The following MTREX variants were observed in gnomAD, a reference collection of about 807,000 sequenced individuals.
The protein encoded by MTREX is exosome RNA helicase MTR4.
A neutral mutation model predicts 135.4 loss-of-function variants in MTREX; 76 were observed. The ratio of observed to expected loss-of-function variants is 0.56; its 90% CI spans 0.47 to 0.68. The LOEUF is 0.68. Ranked by LOEUF, MTREX falls within the 30% of genes least tolerant of loss-of-function variation. The pLI is 0.00. For synonymous variants in MTREX, 404 were observed against 401.6 expected, an observed-to-expected ratio of 1.01 and a Z score of -0.07; for missense variants, 920 against 1,262.1, an observed-to-expected ratio of 0.73 and a Z score of 4.11.
chr5:55,363,852 T>C (rs1750053559), intron 15 of MTREX, among the ~76,000 whole-genome samples: 1 of 152,214 alleles, frequency 6.6e-6, no homozygotes, highest in Admixed American at 6.5e-5. Flanking sequence ...ATTGAAGATT[T>C]AGTATTTATT....
At chr5:55,352,268 A>T (rs950555734) in intron 13 of MTREX, among the ~76,000 whole-genome samples, 3 of 152,208 alleles carry the variant, frequency 2.0e-5, no homozygotes, top group Non-Finnish European at 2.9e-5. Context: ...AATATTTAAG[A>T]TAAATTTACT....
chr5:55,378,336 G>A lies in MTREX; in HGVS notation c.1833G>A (p.Gln611=), dbSNP rs1179921424. ...VVEKVKNSEE[Q]YNKIVIPNEE... ...CAGAGGTAAAGAATTCAGAAGAACA[G>A]TATAATAAAATAGTAATTCCCAATG... Residue 611 remains glutamine, a synonymous_variant, in exon 17 of 27, where the codon CAG becomes CAA. Transcript: ENST00000230640. The A allele has an allele frequency of 6.2e-7, 1 of 1,604,562 alleles. No individual in the cohort carries two copies. Among genetic ancestry groups the A allele is most frequent in the Non-Finnish European group, 8.5e-7 (1 of 1,177,270 alleles).
chr5:55,349,633 A>G lies in MTREX; in HGVS notation c.1301A>G (p.Glu434Gly). The G allele has an allele frequency of 6.3e-7, 1 of 1,597,834 alleles. No individual in the cohort carries two copies. The highest frequency in any genetic ancestry group is 1.7e-5 in the Admixed American group (1 of 59,902). Reference sequence around the variant, plus strand: ...AATGCAATTGATTGCTTATCCGATGAAGATAAAAAACTCCCTCAGGTGAGT... The same window carrying G: ...AATGCAATTGATTGCTTATCCGATGGAGATAAAAAACTCCCTCAGGTGAGT... ...FSNAIDCLSDEDKKLPQVEHV... is the reference protein window; with the variant it reads ...FSNAIDCLSDGDKKLPQVEHV... Residue 434 changes from glutamate (E) to glycine (G), a missense_variant, in exon 12 of 27, where the codon GAA becomes GGA. By Grantham distance (98) the Glu-to-Gly change is moderately conservative (BLOSUM62 -2). Around this residue, in one of 6 missense-constraint regions of MTREX, gnomAD observed 101 missense variants for 119.1 expected, o/e 0.85. Coordinates refer to ENST00000230640, the MANE Select transcript of MTREX (RefSeq NM_015360.5).
At chr5:55,397,050 T>C (rs1035536919) in intron 19 of MTREX, among the ~76,000 whole-genome samples, 1 of 152,194 alleles carries the variant, frequency 6.6e-6, no homozygotes, top group Non-Finnish European at 1.5e-5. Context: ...TTCCTAAACC[T>C]GTTAACAAGA....
intron 4 of MTREX, among the ~76,000 whole-genome samples, chr5:55,328,253 A>G (rs994098158): frequency 6.6e-6 from 1 of 152,168 alleles, no homozygotes; most frequent in African/African-American, 2.4e-5. Flanking sequence ...CTTAAAGTCT[A>G]ATAGATGTAA....
At chr5:55,414,098 CTTTAA>C (rs1421605007) in intron 23 of MTREX, 79 bp from the exon 24 acceptor site, 7 of 940,964 alleles carry the variant, frequency 7.4e-6, no homozygotes, top group Non-Finnish European at 9.5e-6. Context: ...ATCTTACAAG[CTTTAA>C]TTTGTTAAAA....
intron 4 of MTREX, among the ~76,000 whole-genome samples, chr5:55,328,056 T>C (rs371953731): frequency 6.6e-6 from 1 of 152,170 alleles, no homozygotes; most frequent in African/African-American, 2.4e-5. Flanking sequence ...AAAAAATACA[T>C]GTGTACTAGT....
chr5:55,420,271 AT>A (rs1169059962), intron 25 of MTREX, among the ~76,000 whole-genome samples: 1 of 152,206 alleles, frequency 6.6e-6, no homozygotes, highest in Non-Finnish European at 1.5e-5. Context: ...GCTTTAGGGT[AT>A]GCCAGAAAGC....
chr5:55,419,586 G>A (rs1751022673), intron 25 of MTREX, among the ~76,000 whole-genome samples: 1 of 152,064 alleles, frequency 6.6e-6, no homozygotes, highest in Non-Finnish European at 1.5e-5. Flanking sequence ...TATTTGTATG[G>A]GCTGATGCCT....
In MTREX at chr5:55,344,525, T is replaced by C. The variant is rs1749699903; in HGVS notation, c.910T>C (p.Cys304Arg). ...EWICHLHKQP[C>R]HVIYTDYRPT... ...GTTTAATTCTTTCTTTTTACAGCCT[T>C]GTCATGTTATTTACACAGATTATCG... Residue 304 changes from cysteine to arginine, a missense_variant, in exon 9 of 27, where the codon TGT (cysteine) becomes CGT (arginine). Transcript: ENST00000230640. 1 of 1,601,770 alleles carries C rather than the reference T, an allele frequency of 6.2e-7. No homozygotes were observed. The highest frequency in any genetic ancestry group is 1.3e-5 in the African/African-American group (1 of 74,642).
In MTREX at chr5:55,331,650, C is replaced by G. The variant is rs79463871; in HGVS notation, c.515+2839C>G. 3.3e-3 allele frequency among the ~76,000 whole-genome samples: 503 copies of G among 152,288 alleles called. 18 individuals carry two copies. In the East Asian group the frequency reaches 0.086, roughly 26 times the overall value. The stretch of plus-strand genomic sequence containing the variant: ...GCAGATGCTCAGCAGATTTTCAGAA[C>G]CTTCTCTTTGCAGTTGTCTCCTCTG... On this transcript the variant is annotated intron_variant, in intron 5 of 26. Transcript: ENST00000230640.
chr5:55,363,951 C>G (rs546904916), intron 15 of MTREX, among the ~76,000 whole-genome samples: 1 of 152,048 alleles, frequency 6.6e-6, no homozygotes, highest in African/African-American at 2.4e-5. Flanking sequence ...GCATAGAAAG[C>G]GAACAGGAAG....
At chr5:55,411,651 A>G (rs904293577) in intron 23 of MTREX, among the ~76,000 whole-genome samples, 3 of 152,178 alleles carry the variant, frequency 2.0e-5, no homozygotes, top group Non-Finnish European at 4.4e-5. Flanking sequence ...TGTTAGTGGC[A>G]ATGATAACAA....
rs1750186402 is a variant in MTREX, at chr5:55,371,004, G to A, written c.1810+4129G>A. Among the ~76,000 whole-genome samples the A allele has an allele frequency of 2.0e-5, 3 of 152,144 alleles. No individual in the cohort carries two copies. The South Asian group carries it at 6.2e-4, about 31-fold the overall frequency. ...TCTAATCAACAGTACATTTTTCAGT[G>A]AGCCATAAGAGTAGAGGTCCTTGGA... On this transcript the variant is annotated intron_variant, in intron 16 of 26. Coordinates refer to ENST00000230640, the MANE Select transcript of MTREX (RefSeq NM_015360.5).
At chr5:55,332,451 C>T (rs1325052253) in intron 5 of MTREX, among the ~76,000 whole-genome samples, 1 of 152,172 alleles carries the variant, frequency 6.6e-6, no homozygotes, top group African/African-American at 2.4e-5. Context: ...AGCCATTTTA[C>T]CTTGGCATGG....
At chr5:55,316,265 A>C (rs967467488) in intron 1 of MTREX, among the ~76,000 whole-genome samples, 2 of 151,832 alleles carry the variant, frequency 1.3e-5, no homozygotes, top group Non-Finnish European at 2.9e-5. Flanking sequence ...AGGAGGAAAG[A>C]CTCCTCCCCA....
Position 55,349,697 on chromosome 5 carries a change from T to C in MTREX, c.1320+45T>C, listed in dbSNP as rs200308404. 8.2e-5 allele frequency: 82 copies of C among 1,001,184 alleles called. No individual in the cohort carries two copies. The African/African-American group carries it at 1.1e-3, about 13-fold the overall frequency. The allele number at this position is 1,001,184 out of a possible 1,614,324, so 62.0% of individuals were successfully genotyped here. A position where few individuals can be genotyped will look rare whatever the true frequency, so the allele number is the denominator to read the frequency against. ...AGATAAAAGTGTAGATAATAATAGATTGCATATATTCACTTTACATTGCTT... is the reference window on the plus strand; with the variant it reads ...AGATAAAAGTGTAGATAATAATAGACTGCATATATTCACTTTACATTGCTT... On this transcript the variant is annotated intron_variant, in intron 12 of 26. Transcript: ENST00000230640.
At chr5:55,342,873 AC>A (rs1749673117) in intron 7 of MTREX, among the ~76,000 whole-genome samples, 2 of 152,300 alleles carry the variant, frequency 1.3e-5, no homozygotes, top group African/African-American at 2.4e-5. Flanking sequence ...AAAATGACTT[AC>A]GGTTTTATCT....
chr5:55,358,091 C>T (rs62360497), intron 14 of MTREX, among the ~76,000 whole-genome samples: 11,518 of 152,168 alleles, frequency 0.076, 660 homozygotes, highest in East Asian at 0.26. Context: ...AATCCCAGCA[C>T]TTTGGGAGGC....
Sources: gnomAD v4.1 joint callset for allele counts (sites outside exome capture counted in the v4.1 genomes callset) on GRCh38, gnomAD v4.1.1 for gene constraint, gnomAD v4.1.1 regional missense constraint, MANE v1.5 for transcripts, NCBI Gene and HGNC (gene_info 2026-07-23, HGNC 2026-07-21) for gene names.